Variants in C12orf56 observed in about 807,000 individuals in gnomAD.
The protein encoded by C12orf56 is uncharacterized protein C12orf56.
C12orf56 carries 71 observed loss-of-function variants against 69.9 expected under a neutral mutation model. That is an observed-to-expected ratio of 1.02 (90% CI 0.84 to 1.24). The LOEUF is 1.24. Ranked by LOEUF, C12orf56 falls within the 50% of genes most tolerant of loss-of-function variation. The pLI is 0.00. For synonymous variants in C12orf56, 276 were observed against 274.1 expected, an observed-to-expected ratio of 1.01 and a Z score of -0.07; for missense variants, 732 against 738.5, an observed-to-expected ratio of 0.99 and a Z score of 0.10.
chr12:64,307,663 C>T (rs1234459945), intron 5 of C12orf56, among the ~76,000 whole-genome samples: 1 of 152,036 alleles, frequency 6.6e-6, no homozygotes, highest in Non-Finnish European at 1.5e-5. Flanking sequence ...GCCACCTCGC[C>T]CGGCCAGACT....
chr12:64,350,952 G>T (rs55825749), intron 2 of C12orf56, among the ~76,000 whole-genome samples: 43,360 of 152,070 alleles, frequency 0.29, 6,446 homozygotes, highest in Admixed American at 0.37. Context: ...CATTTGTCAT[G>T]AAATTCTAGA....
At chr12:64,299,756 C>A (rs1447952950) in intron 6 of C12orf56, among the ~76,000 whole-genome samples, 1 of 152,012 alleles carries the variant, frequency 6.6e-6, no homozygotes, top group Non-Finnish European at 1.5e-5. Flanking sequence ...CATAATCATG[C>A]TATATTTCTA....
intron 1 of C12orf56, among the ~76,000 whole-genome samples, chr12:64,379,992 C>G (rs1471743129): frequency 2.0e-5 from 3 of 149,202 alleles, no homozygotes; most frequent in Non-Finnish European, 4.4e-5. Flanking sequence ...GTAGTCCCAG[C>G]TACTCCGGAG....
chr12:64,390,250 T>TG, intron 1 of C12orf56, 64 bp downstream of exon 1: 4 of 1,511,804 alleles, frequency 2.6e-6, no homozygotes, highest in Non-Finnish European at 2.6e-6. Context: ...GGGCTGGGTT[T>TG]GGGGGCCCCA....
At chr12:64,354,463 T>C (rs562324578) in intron 1 of C12orf56, among the ~76,000 whole-genome samples, 1 of 152,096 alleles carries the variant, frequency 6.6e-6, no homozygotes, top group South Asian at 2.1e-4. Flanking sequence ...ATCTCTCTTT[T>C]TTTTTTATTT....
Position 64,276,003 on chromosome 12 carries a change from C to CT in C12orf56, c.1435-632_1435-631insA, listed in dbSNP as rs887777004. 1.4e-3 allele frequency among the ~76,000 whole-genome samples: 125 copies of CT among 88,812 alleles called. 1 individual carries two copies. In the South Asian group the frequency reaches 0.015, roughly 11 times the overall value. The allele number at this position is 88,812 out of a possible 152,430, so 58.3% of individuals were successfully genotyped here. On this transcript the variant is annotated intron_variant, in intron 9 of 12. Transcript: ENST00000543942. ...CTTTCAAGAATGTAGAAATACACACCCCCCCCCGCGAGTTGAGGTGAGAGA... is the reference window on the plus strand; with the variant it reads ...CTTTCAAGAATGTAGAAATACACACCTCCCCCCCGCGAGTTGAGGTGAGAGA...
At chr12:64,366,049 ATATAATATATAGCTTG>A (rs2039471528) in intron 1 of C12orf56, among the ~76,000 whole-genome samples, 1 of 91,714 alleles carries the variant, frequency 1.1e-5, no homozygotes, top group South Asian at 3.2e-4. Context: ...TATATATTAT[ATATAATATATAGCTTG>A]TATAATATAT....
In C12orf56 at chr12:64,266,085, C is replaced by A. The variant is rs1339007712; in HGVS notation, c.*1098G>T. 1 of 152,200 alleles carries A rather than the reference C, an allele frequency of 6.6e-6. No individual in the cohort carries two copies. Among genetic ancestry groups the A allele is most frequent in the Admixed American group, 6.5e-5 (1 of 15,278 alleles). 9.4% of individuals were successfully genotyped at this position (152,200 alleles called of 1,614,324 possible). On this transcript the variant is annotated 3_prime_UTR_variant, in exon 13 of 13. Transcript: ENST00000543942. ...TATGCCTGTGTTCTGCTCATTCTTC[C>A]AGGAATACTTTTGTCACTAGAATTT...
At chr12:64,383,966 T>G (rs2135988181) in intron 1 of C12orf56, among the ~76,000 whole-genome samples, 1 of 152,324 alleles carries the variant, frequency 6.6e-6, no homozygotes, top group South Asian at 2.1e-4. Context: ...AAAAATAGCA[T>G]TCATCCTTCA....
chr12:64,311,358 A>C (rs2038613232), intron 5 of C12orf56, among the ~76,000 whole-genome samples: 1 of 151,802 alleles, frequency 6.6e-6, no homozygotes. Context: ...GGTTACAGTG[A>C]GCCAAGATCG....
intron 11 of C12orf56, among the ~76,000 whole-genome samples, chr12:64,274,319 G>C (rs760960227): frequency 1.4e-4 from 22 of 152,228 alleles, no homozygotes; most frequent in Non-Finnish European, 2.2e-4. Context: ...AGAGGAAGCT[G>C]TCGGCCATAG....
At chr12:64,267,344 T>C (rs2037929470) in intron 12 of C12orf56, 56 bp from the exon 13 acceptor site, 2 of 1,343,832 alleles carry the variant, frequency 1.5e-6, no homozygotes, top group African/African-American at 1.5e-5. Flanking sequence ...AATTTTCACA[T>C]TGGTCACTTG....
intron 1 of C12orf56, among the ~76,000 whole-genome samples, chr12:64,356,190 A>C (rs35594362): frequency 0.022 from 3,334 of 151,094 alleles, 98 homozygotes; most frequent in East Asian, 0.069. Context: ...AAAAAAAAAA[A>C]AAAAAAAAAC....
At chr12:64,296,303 G>A (rs960880033) in intron 6 of C12orf56, among the ~76,000 whole-genome samples, 3 of 152,108 alleles carry the variant, frequency 2.0e-5, no homozygotes, top group Admixed American at 2.0e-4. Flanking sequence ...AAACTTCTTA[G>A]ACATTTCTTA....
rs1198314039 is a variant in C12orf56, at chr12:64,318,572, T to TA, written c.894+2dup. 3 of 1,520,954 alleles carry TA rather than the reference T, an allele frequency of 2.0e-6. No individual in the cohort carries two copies. Among genetic ancestry groups the TA allele is most frequent in the Admixed American group, 4.1e-5 (2 of 49,140 alleles). 94.2% of individuals were successfully genotyped at this position (1,520,954 alleles called of 1,614,324 possible). A position where few individuals can be genotyped will look rare whatever the true frequency, so the allele number is the denominator to read the frequency against. On this transcript the variant is annotated splice_region_variant and intron_variant, in intron 4 of 12. Transcript: ENST00000543942. ...GTTAAGGTTAACTTAGGAGGACACTTACTATAATATAATTGTTCCATGAAC... is the reference window on the plus strand; with the variant it reads ...GTTAAGGTTAACTTAGGAGGACACTTAACTATAATATAATTGTTCCATGAAC...
At chr12:64,353,524 GT>G (rs984837470) in intron 1 of C12orf56, among the ~76,000 whole-genome samples, 1 of 151,068 alleles carries the variant, frequency 6.6e-6, no homozygotes, top group African/African-American at 2.4e-5. Flanking sequence ...TTATTGTTAG[GT>G]TTCCCAATTA....
intron 2 of C12orf56, 127 bp from the exon 3 acceptor site, chr12:64,331,159 T>C (rs1284042387): frequency 4.9e-6 from 4 of 815,760 alleles, no homozygotes; most frequent in Non-Finnish European, 3.7e-6. Context: ...AGTCCAAAAT[T>C]GTAAGCTGGG....
rs149829934 is a variant in C12orf56, at chr12:64,299,683, T to C, written c.1113+3952A>G. Among the ~76,000 whole-genome samples, 44 of 152,096 alleles carry C rather than the reference T, an allele frequency of 2.9e-4. 1 individual carries two copies. In the East Asian group the frequency reaches 7.3e-3, roughly 25 times the overall value. ...AGCATATTAAGATAAATAAGAAAAA[T>C]GTGCCAATCACTATAGTAAAAGGGA... On this transcript the variant is annotated intron_variant, in intron 6 of 12. Transcript: ENST00000543942.
chr12:64,343,547 A>G (rs1437248623), intron 2 of C12orf56, among the ~76,000 whole-genome samples: 2 of 152,256 alleles, frequency 1.3e-5, no homozygotes, highest in African/African-American at 4.8e-5. Flanking sequence ...CAATGGCTGC[A>G]TACCAGGTAC....
Sources: gnomAD v4.1 joint callset for allele counts (sites outside exome capture counted in the v4.1 genomes callset) on GRCh38, gnomAD v4.1.1 for gene constraint, MANE v1.5 for transcripts, NCBI Gene and HGNC (gene_info 2026-07-23, HGNC 2026-07-21) for gene names.